CTNNA2: variants seen among roughly 807,000 people sequenced by gnomAD.
CTNNA2 encodes the protein catenin alpha-2.
In CTNNA2, 42 loss-of-function variants were observed where a neutral mutation model predicts 101.0. The ratio of observed to expected loss-of-function variants is 0.42; its 90% CI spans 0.32 to 0.54. The LOEUF (loss-of-function observed/expected upper bound fraction) is 0.54. Among genes scored for constraint, CTNNA2 ranks in the 20% least tolerant of loss-of-function variants. The probability of loss-of-function intolerance (pLI) is 0.14; values close to 1 mark genes in which losing one functional copy is unlikely to be tolerated. For synonymous variants in CTNNA2, 450 were observed against 456.4 expected, an observed-to-expected ratio of 0.99 and a Z score of 0.18; for missense variants, 871 against 1,223.1, an observed-to-expected ratio of 0.71 and a Z score of 4.29.
intron 6 of CTNNA2, among the ~76,000 whole-genome samples, chr2:79,907,271 T>C (rs1292258890): frequency 6.6e-6 from 1 of 152,196 alleles, no homozygotes; most frequent in Non-Finnish European, 1.5e-5. Flanking sequence ...ATTATATTTT[T>C]ACCAGGTATT....
chr2:79,973,371 G>C (rs1690621542), intron 7 of CTNNA2, among the ~76,000 whole-genome samples: 1 of 152,128 alleles, frequency 6.6e-6, no homozygotes, highest in Non-Finnish European at 1.5e-5. Flanking sequence ...GTTGAGGGTT[G>C]GCAGAGAGGC....
At chr2:79,765,178 T>C (rs367619268) in intron 3 of CTNNA2, among the ~76,000 whole-genome samples, 36 of 152,272 alleles carry the variant, frequency 2.4e-4, no homozygotes, top group African/African-American at 8.2e-4. Flanking sequence ...CGAAATGAGG[T>C]AATATATGTG....
intron 1 of CTNNA2, among the ~76,000 whole-genome samples, chr2:79,527,034 T>G (rs1221279763): frequency 6.6e-6 from 1 of 152,072 alleles, no homozygotes; most frequent in African/African-American, 2.4e-5. Context: ...AAAACTTTTA[T>G]GCATCAAAGG....
intron 7 of CTNNA2, among the ~76,000 whole-genome samples, chr2:80,129,278 A>T (rs1352086350): frequency 6.6e-6 from 1 of 152,148 alleles, no homozygotes; most frequent in Non-Finnish European, 1.5e-5. Context: ...AAAGTCTATT[A>T]CAGGGGTCCC....
At chr2:79,558,666 G>T (rs1351774161) in intron 1 of CTNNA2, among the ~76,000 whole-genome samples, 1 of 151,806 alleles carries the variant, frequency 6.6e-6, no homozygotes, top group Non-Finnish European at 1.5e-5. Context: ...CAAGGATTTG[G>T]ACACAGTGAA....
At chr2:79,834,728 GT>G (rs1679185540) in intron 3 of CTNNA2, among the ~76,000 whole-genome samples, 1 of 151,016 alleles carries the variant, frequency 6.6e-6, no homozygotes, top group Non-Finnish European at 1.5e-5. Flanking sequence ...AATACAATTA[GT>G]TGCATTGATC....
chr2:80,451,528 G>A (rs1398583222), intron 9 of CTNNA2, among the ~76,000 whole-genome samples: 1 of 152,068 alleles, frequency 6.6e-6, no homozygotes, highest in African/African-American at 2.4e-5. Flanking sequence ...ACTGACCCCT[G>A]GCCTCATGTG....
At chr2:80,492,612 G>T (rs116868076) in intron 9 of CTNNA2, among the ~76,000 whole-genome samples, 1 of 152,150 alleles carries the variant, frequency 6.6e-6, no homozygotes, top group Non-Finnish European at 1.5e-5. Context: ...AGCCTTTGAT[G>T]GCCTAGCTTC....
intron 3 of CTNNA2, among the ~76,000 whole-genome samples, chr2:79,835,215 T>C (rs1011669116): frequency 2.0e-5 from 3 of 152,202 alleles, no homozygotes; most frequent in African/African-American, 7.2e-5. Context: ...CGCCTTAAAA[T>C]CTGAACAGAA....
chr2:79,273,231 G>A lies in CTNNA2; in HGVS notation c.-405-39478G>A, dbSNP rs182870217. ...AGATATTACTCATTTTATCCTTAGG[G>A]CAACCTATCAGATAGGCATTATTAT... is the stretch of plus-strand genomic sequence containing the variant. On this transcript the variant is annotated intron_variant, in intron 2 of 21. Transcript: ENST00000466387. 5.0e-4 allele frequency among the ~76,000 whole-genome samples: 76 copies of A among 152,034 alleles called. No individual in the cohort carries two copies. The East Asian group carries it at 0.011, about 23-fold the overall frequency.
chr2:80,636,789 C>G (rs1436247761), intron 18 of CTNNA2, among the ~76,000 whole-genome samples: 1 of 152,104 alleles, frequency 6.6e-6, no homozygotes, highest in Admixed American at 6.6e-5. Flanking sequence ...AGTAGAGCCA[C>G]CTTGACTCTC....
chr2:80,439,202 A>G (rs887309736), intron 9 of CTNNA2, among the ~76,000 whole-genome samples: 16 of 152,160 alleles, frequency 1.1e-4, no homozygotes, highest in African/African-American at 3.9e-4. Flanking sequence ...CAGCCAGGTC[A>G]TCTATTACAT....
At chr2:79,557,917 G>A (rs1462723503) in intron 1 of CTNNA2, among the ~76,000 whole-genome samples, 1 of 151,912 alleles carries the variant, frequency 6.6e-6, no homozygotes, top group Non-Finnish European at 1.5e-5. Context: ...GCTGTGCATA[G>A]GATTCTCCTG....
chr2:79,799,281 A>G (rs1675970816), intron 3 of CTNNA2, among the ~76,000 whole-genome samples: 2 of 151,442 alleles, frequency 1.3e-5, no homozygotes, highest in Admixed American at 1.3e-4. Flanking sequence ...CTAGATATGT[A>G]TCGAGATGCC....
chr2:80,065,107 T>C (rs1030018915), intron 7 of CTNNA2, among the ~76,000 whole-genome samples: 17 of 152,302 alleles, frequency 1.1e-4, no homozygotes, highest in African/African-American at 3.1e-4. Context: ...AGTGGACTTA[T>C]GGCCAGTATG....
At chr2:79,651,008 C>G (rs1016961166) in intron 1 of CTNNA2, among the ~76,000 whole-genome samples, 2 of 152,012 alleles carry the variant, frequency 1.3e-5, no homozygotes, top group African/African-American at 4.8e-5. Flanking sequence ...GTTAAAAAGT[C>G]AGGAAACAAC....
intron 7 of CTNNA2, among the ~76,000 whole-genome samples, chr2:80,136,191 C>A (rs1387362028): frequency 6.6e-6 from 1 of 152,080 alleles, no homozygotes; most frequent in Non-Finnish European, 1.5e-5. Flanking sequence ...GTTCTTGATG[C>A]ATAATGACTG....
chr2:80,311,675 G>A (rs112273230), intron 7 of CTNNA2, among the ~76,000 whole-genome samples: 223 of 152,320 alleles, frequency 1.5e-3, no homozygotes, highest in Non-Finnish European at 2.7e-3. Context: ...AATGCTCTAC[G>A]AGGGTAAAAG....
At chr2:79,338,637 C>G (rs1187548483) in intron 3 of CTNNA2, among the ~76,000 whole-genome samples, 1 of 148,872 alleles carries the variant, frequency 6.7e-6, no homozygotes, top group East Asian at 2.0e-4. Context: ...TCTTCTTCTT[C>G]TTCTTCAAAG....
Sources: gnomAD v4.1 joint callset for allele counts (sites outside exome capture counted in the v4.1 genomes callset) on GRCh38, gnomAD v4.1.1 for gene constraint, MANE v1.5 for transcripts, NCBI Gene and HGNC (gene_info 2026-07-23, HGNC 2026-07-21) for gene names.